The following MYT1L variants were observed in gnomAD, a reference collection of about 807,000 sequenced individuals.
The protein encoded by MYT1L is myelin transcription factor 1 like.
A neutral mutation model predicts 126.7 loss-of-function variants in MYT1L; 12 were observed. The observed-to-expected ratio is 0.09, with a 90% CI of 0.06 to 0.15. The LOEUF is 0.15. Among genes scored for constraint, MYT1L ranks in the 10% least tolerant of loss-of-function variants. The probability of loss-of-function intolerance (pLI) is 1.00; values close to 1 mark genes in which losing one functional copy is unlikely to be tolerated. For synonymous variants in MYT1L, 541 were observed against 604.2 expected, an observed-to-expected ratio of 0.90 and a Z score of 1.53; for missense variants, 979 against 1,585.2, an observed-to-expected ratio of 0.62 and a Z score of 6.49.
chr2:2,142,276 C>T lies in MYT1L; in HGVS notation c.-304+30596G>A, dbSNP rs144593584. On this transcript the variant is annotated intron_variant, in intron 3 of 24. Transcript: ENST00000647738. ...AGTGACCTTTCCAAACGCTTAAGGA[C>T]GCAGTGGATGTTTAGAAGACAGTGC... Among the ~76,000 whole-genome samples the T allele has an allele frequency of 9.7e-3, 1,474 of 152,234 alleles. 20 individuals are homozygous for T. Among genetic ancestry groups the T allele is most frequent in the African/African-American group, 0.033 (1,366 of 41,556 alleles).
chr2:1,835,214 C>T (rs1226393074), intron 21 of MYT1L, among the ~76,000 whole-genome samples: 4 of 152,288 alleles, frequency 2.6e-5, no homozygotes, highest in Non-Finnish European at 4.4e-5. Context: ...TATTTTAAGT[C>T]AAAAATTCAT....
intron 4 of MYT1L, among the ~76,000 whole-genome samples, chr2:2,030,866 C>T (rs890859151): frequency 1.3e-5 from 2 of 152,112 alleles, no homozygotes; most frequent in Non-Finnish European, 2.9e-5. Context: ...AAATTTGGTG[C>T]TCATATATAC....
intron 3 of MYT1L, among the ~76,000 whole-genome samples, chr2:2,121,925 C>T (rs1048300159): frequency 2.0e-5 from 3 of 152,148 alleles, no homozygotes; most frequent in African/African-American, 4.8e-5. Flanking sequence ...TGAGACCACC[C>T]GGGAAGGAAA....
intron 4 of MYT1L, among the ~76,000 whole-genome samples, chr2:2,031,844 C>T (rs1283927941): frequency 6.0e-5 from 8 of 132,552 alleles, no homozygotes; most frequent in Non-Finnish European, 7.8e-5. Context: ...ACACACCCCT[C>T]GCCAGTGCCT....
intron 14 of MYT1L, among the ~76,000 whole-genome samples, chr2:1,897,625 G>T (rs1226211312): frequency 6.6e-6 from 1 of 151,976 alleles, no homozygotes; most frequent in African/African-American, 2.4e-5. Flanking sequence ...ACCATGCCCG[G>T]CTAATTTTTG....
intron 9 of MYT1L, 137 bp from the exon 10 acceptor site, chr2:1,923,400 A>C (rs989264062): frequency 3.6e-5 from 27 of 746,030 alleles, no homozygotes; most frequent in Non-Finnish European, 5.7e-5. Context: ...TGTAAGTCCC[A>C]TTTGCAGCTG....
At chr2:2,256,408 G>C (rs911632958) in intron 2 of MYT1L, among the ~76,000 whole-genome samples, 1 of 152,224 alleles carries the variant, frequency 6.6e-6, no homozygotes, top group African/African-American at 2.4e-5. Context: ...TAAATAAGGG[G>C]TTTTAAAACA....
chr2:2,063,635 G>C lies in MYT1L; in HGVS notation c.-303-9512C>G, dbSNP rs543658033. On this transcript the variant is annotated intron_variant, in intron 3 of 24. Coordinates refer to ENST00000647738, the MANE Select transcript of MYT1L (RefSeq NM_001303052.2). The stretch of plus-strand genomic sequence containing the variant: ...AAGGTGGGTGGATCACCTGCGGTCG[G>C]GAGTTTGAGACCAGCTTGGCCAACA... 9.8e-5 allele frequency among the ~76,000 whole-genome samples: 15 copies of C among 152,288 alleles called. No homozygotes were observed. The East Asian group carries it at 2.5e-3, about 26-fold the overall frequency.
At chr2:1,837,163 C>T (rs1433286819) in intron 21 of MYT1L, among the ~76,000 whole-genome samples, 1 of 152,106 alleles carries the variant, frequency 6.6e-6, no homozygotes, top group Non-Finnish European at 1.5e-5. Context: ...TACAATGCAA[C>T]CAGAGGCTGG....
chr2:1,976,334 C>T (rs535972778), intron 8 of MYT1L, among the ~76,000 whole-genome samples: 8 of 152,236 alleles, frequency 5.3e-5, no homozygotes, highest in African/African-American at 1.9e-4. Flanking sequence ...GCAAATCTTT[C>T]AAAACCAGTA....
intron 3 of MYT1L, among the ~76,000 whole-genome samples, chr2:2,069,859 A>G (rs2074379789): frequency 6.7e-6 from 1 of 148,880 alleles, no homozygotes; most frequent in African/African-American, 2.5e-5. Flanking sequence ...TGTTGGCTGC[A>G]TAAATGTCTT....
chr2:2,282,978 G>C (rs2095470525), intron 2 of MYT1L, among the ~76,000 whole-genome samples: 1 of 152,218 alleles, frequency 6.6e-6, no homozygotes, highest in Non-Finnish European at 1.5e-5. Flanking sequence ...GGGAGGCTGA[G>C]GCAGGAGAAT....
chr2:2,143,833 C>T lies in MYT1L; in HGVS notation c.-304+29039G>A, dbSNP rs1239478006. On this transcript the variant is annotated intron_variant, in intron 3 of 24. Coordinates refer to ENST00000647738, the MANE Select transcript of MYT1L (RefSeq NM_001303052.2). ...GCAGCAACATGGATGCAGCTGGAGGCCATTATCCTAAGTGAACTAACACAG... is the reference window on the plus strand; with the variant it reads ...GCAGCAACATGGATGCAGCTGGAGGTCATTATCCTAAGTGAACTAACACAG... Among the ~76,000 whole-genome samples the T allele has an allele frequency of 3.9e-5, 6 of 152,000 alleles. 1 individual carries two copies. The highest frequency in any genetic ancestry group is 2.6e-4 in the Admixed American group (4 of 15,258).
At chr2:2,107,964 A>G (rs2078952944) in intron 3 of MYT1L, among the ~76,000 whole-genome samples, 3 of 152,206 alleles carry the variant, frequency 2.0e-5, no homozygotes, top group African/African-American at 4.8e-5. Flanking sequence ...TATCTGTTCA[A>G]TCTAGAAGTT....
At chr2:2,230,472 TAGAACAC>T (rs1171348753) in intron 2 of MYT1L, among the ~76,000 whole-genome samples, 1 of 152,218 alleles carries the variant, frequency 6.6e-6, no homozygotes, top group Non-Finnish European at 1.5e-5. Context: ...CCAATGTACT[TAGAACAC>T]AGAATTCTTG....
intron 1 of MYT1L, among the ~76,000 whole-genome samples, chr2:2,330,153 C>T (rs916052923): frequency 2.0e-5 from 3 of 151,888 alleles, no homozygotes; most frequent in African/African-American, 4.8e-5. Context: ...TGGTCTATGA[C>T]GTTAATTTTG....
intron 3 of MYT1L, among the ~76,000 whole-genome samples, chr2:2,071,098 C>A (rs373747787): frequency 6.6e-6 from 1 of 152,046 alleles, no homozygotes; most frequent in Non-Finnish European, 1.5e-5. Context: ...TAAATCCTGA[C>A]CCACTGGGGG....
In MYT1L at chr2:1,811,838, C is replaced by T. The variant is rs1485555573; in HGVS notation, c.3081-2671G>A. ...AGTCGTCCCCACTCCGGGGCACCCT[C>T]CTGGGTCTTCTCCTGCCTCCCCATC... is the stretch of plus-strand genomic sequence containing the variant. On this transcript the variant is annotated intron_variant, in intron 21 of 24. Transcript: ENST00000647738. This position sits in a 1 kb window ranked among gnomAD's most constrained non-coding sequence, Gnocchi z 4.4. Among the ~76,000 whole-genome samples, 1 of 152,156 alleles carries T rather than the reference C, an allele frequency of 6.6e-6. No homozygotes were observed. The highest frequency in any genetic ancestry group is 1.9e-4 in the East Asian group (1 of 5,176).
Position 1,922,905 on chromosome 2 carries a change from G to T in MYT1L, c.864C>A (p.Ser288Arg). The change falls in exon 10 of 25, where the codon AGC (serine) becomes AGA (arginine). Residue 288 changes from serine (S) to arginine (R), a missense_variant. By Grantham distance (110) the Ser-to-Arg change is moderately radical. Transcript: ENST00000647738. This position sits in a 1 kb window ranked among gnomAD's most constrained non-coding sequence, Gnocchi z 7.4. The part of the protein sequence containing the change: ...ENMNDRNYAD[S>R]MSQQDSRNMN... ...TATTTCTACTGTCTTGCTGCGACAT[G>T]CTGTCTGCATAATTTCTGTCATTCA... 6.2e-7 allele frequency: 1 copy of T among 1,614,018 alleles called. No individual in the cohort carries two copies. The highest frequency in any genetic ancestry group is 1.1e-5 in the South Asian group (1 of 91,080).
Sources: allele counts gnomAD v4.1 joint callset (sites outside exome capture counted in the v4.1 genomes callset), GRCh38; gene constraint gnomAD v4.1.1; non-coding constraint Gnocchi (gnomAD v3.1); transcripts MANE v1.5; gene names NCBI Gene and HGNC (gene_info 2026-07-23, HGNC 2026-07-21).